DYNC1LI2: variants seen among roughly 807,000 people sequenced by gnomAD.
DYNC1LI2 encodes the protein dynein cytoplasmic 1 light intermediate chain 2.
A neutral mutation model predicts 57.8 loss-of-function variants in DYNC1LI2; 19 were observed. The ratio of observed to expected loss-of-function variants is 0.33; its 90% confidence interval spans 0.23 to 0.48. DYNC1LI2 has a LOEUF of 0.48. Among genes scored for constraint, DYNC1LI2 ranks in the 20% least tolerant of loss-of-function variants. DYNC1LI2 has a pLI of 0.99. For synonymous variants in DYNC1LI2, 256 were observed against 233.4 expected (o/e 1.10, Z -0.88); for missense variants, 470 against 604.2 (o/e 0.78, Z 2.33).
In DYNC1LI2 at chr16:66,723,643, A is replaced by C; in HGVS notation, c.*79T>G. ...CCCCAAAAAACTGATAGCATGTGCC[A>C]TATCAGAAAAATCCTGGTCTTAGCA... On this transcript the variant is annotated 3_prime_UTR_variant, in exon 13 of 13. Transcript: ENST00000258198. 7.7e-7 allele frequency: 1 copy of C among 1,298,308 alleles called. No homozygotes were observed. The highest frequency in any genetic ancestry group is 1.1e-6 in the Non-Finnish European group (1 of 935,418). 80.4% of individuals were successfully genotyped at this position (1,298,308 alleles called of 1,614,324 possible).
At chr16:66,733,738 C>T (rs765472297) in intron 6 of DYNC1LI2, among the ~76,000 whole-genome samples, 17 of 151,866 alleles carry the variant, frequency 1.1e-4, no homozygotes, top group Non-Finnish European at 1.5e-4. Context: ...GAAGTGGTGG[C>T]GCACACCTGT....
In DYNC1LI2 at chr16:66,721,117, T is replaced by C. The variant is rs937922560; in HGVS notation, c.*2605A>G. 6.6e-6 allele frequency: 1 copy of C among 152,584 alleles called. No individual in the cohort carries two copies. Among genetic ancestry groups the C allele is most frequent in the Admixed American group, 6.5e-5 (1 of 15,276 alleles). 9.5% of individuals were successfully genotyped at this position (152,584 alleles called of 1,614,324 possible). On this transcript the variant is annotated 3_prime_UTR_variant, in exon 13 of 13. Transcript: ENST00000258198. ...TGAACTTTCACTTACAGCATTAACA[T>C]TGTTAAGGTCATGATGTACAGAGCA...
intron 11 of DYNC1LI2, among the ~76,000 whole-genome samples, 154 bp downstream of exon 11, chr16:66,727,534 G>T (rs1216943528): frequency 6.6e-6 from 1 of 152,182 alleles, no homozygotes; most frequent in East Asian, 1.9e-4. Flanking sequence ...TCTTCCTCTG[G>T]AATGGGGGAA....
rs758909886 is a variant in DYNC1LI2, at chr16:66,725,980, AAACTGGAAGACTT to A, written c.1262-49_1262-37del. ...TTAAAGAGAAAAAAAAGCATCATAT[AAACTGGAAGACTT>A]AAAATTAAACACCCTAGTTCTCAGC... On this transcript the variant is annotated intron_variant, in intron 11 of 12. Transcript: ENST00000258198. The A allele has an allele frequency of 3.1e-6, 5 of 1,596,984 alleles. No individual in the cohort carries two copies. In the East Asian group the frequency reaches 1.1e-4, roughly 36 times the overall value.
intron 11 of DYNC1LI2, among the ~76,000 whole-genome samples, chr16:66,726,479 G>T (rs1448276754): frequency 2.0e-5 from 3 of 152,194 alleles, no homozygotes; most frequent in Non-Finnish European, 2.9e-5. Flanking sequence ...CAAAGTTACA[G>T]ATTCAAAATA....
At chr16:66,737,412 T>G (rs1436123821) in intron 4 of DYNC1LI2, among the ~76,000 whole-genome samples, 1 of 149,364 alleles carries the variant, frequency 6.7e-6, no homozygotes, top group African/African-American at 2.5e-5. Context: ...TAATCCCAGC[T>G]ACTTGGGAGG....
chr16:66,742,640 C>T lies in DYNC1LI2; in HGVS notation c.327G>A (p.Leu109=). The change falls in exon 4 of 13, where the codon CTG becomes CTA. Residue 109 remains leucine, a synonymous_variant. Transcript: ENST00000258198. ...GGCCTTTGTGGTACAAGTCTCCATC[C>T]AGAATCCACACGTTGCAGCGCGTGT... ...DDHTRCNVWI[L]DGDLYHKGLL... is the part of the protein sequence containing the mutation. 1 of 1,614,216 alleles carries T rather than the reference C, an allele frequency of 6.2e-7. No homozygotes were observed. The highest frequency in any genetic ancestry group is 8.5e-7 in the Non-Finnish European group (1 of 1,180,040).
chr16:66,749,392 G>C, intron 2 of DYNC1LI2, 79 bp from the exon 3 acceptor site: 1 of 1,342,304 alleles, frequency 7.4e-7, no homozygotes. Flanking sequence ...CACATGACAC[G>C]GAGAAACTAA....
At position 66,745,981 on chromosome 16, in the gene DYNC1LI2, A is replaced by C. The variant is rs191794216; in HGVS notation, c.298+3216T>G. Among the ~76,000 whole-genome samples, 1,048 of 152,192 alleles carry C rather than the reference A, an allele frequency of 6.9e-3. 4 individuals carry two copies. The highest frequency in any genetic ancestry group is 0.01 in the Non-Finnish European group (702 of 68,002). On this transcript the variant is annotated intron_variant, in intron 3 of 12. Transcript: ENST00000258198. The stretch of plus-strand genomic sequence containing the variant: ...TTTAGAAAAATATACTTAAAAAAAA[A>C]CCTATCTTTTATTAACTTTTTTGTA...
intron 2 of DYNC1LI2, 137 bp from the exon 3 acceptor site, chr16:66,749,450 C>A (rs1327303364): frequency 1.7e-5 from 14 of 847,690 alleles, no homozygotes; most frequent in African/African-American, 3.3e-5. Flanking sequence ...CTTTCATAAA[C>A]AAAGGACTTT....
At position 66,723,846 on chromosome 16, in the gene DYNC1LI2, A is replaced by G. The variant is rs758071528; in HGVS notation, c.1379-24T>C. The G allele has an allele frequency of 7.7e-6, 12 of 1,567,930 alleles. No homozygotes were observed. The South Asian group carries it at 8.2e-5, about 11-fold the overall frequency. ...TCCTGAAAAAAAAAAAAAGCAAAAAAGCAAAGTAATGATGTGAGAAGAGGA... is the reference window on the plus strand; with the variant it reads ...TCCTGAAAAAAAAAAAAAGCAAAAAGGCAAAGTAATGATGTGAGAAGAGGA... On this transcript the variant is annotated intron_variant, in intron 12 of 12. Transcript: ENST00000258198.
At chr16:66,746,687 T>C (rs1434746705) in intron 3 of DYNC1LI2, among the ~76,000 whole-genome samples, 1 of 152,348 alleles carries the variant, frequency 6.6e-6, no homozygotes, top group Non-Finnish European at 1.5e-5. Context: ...ACCTACATCA[T>C]GTTTTACACT....
intron 2 of DYNC1LI2, 82 bp from the exon 3 acceptor site, chr16:66,749,395 G>T: frequency 1.5e-6 from 2 of 1,315,758 alleles, no homozygotes; most frequent in Non-Finnish European, 2.2e-6. Flanking sequence ...ATGACACGGA[G>T]AAACTAAGAA....
At position 66,751,171 on chromosome 16, in the gene DYNC1LI2, TGCGGGCAG is replaced by T; in HGVS notation, c.181+94_181+101del. ...GCCGACGGTCCCTTTCCCGCCAGGC[TGCGGGCAG>T]GCGGCTGGAACGGGGAAGGCGGGGA... is the stretch of plus-strand genomic sequence containing the variant. On this transcript the variant is annotated intron_variant, in intron 2 of 12. Coordinates refer to ENST00000258198, the MANE Select transcript of DYNC1LI2 (RefSeq NM_006141.3). The surrounding 1 kb of genome is among the most constrained non-coding windows in gnomAD (Gnocchi z 5.2). 7.4e-7 allele frequency: 1 copy of T among 1,343,636 alleles called. No individual in the cohort carries two copies. Among genetic ancestry groups the T allele is most frequent in the Non-Finnish European group, 1.0e-6 (1 of 991,802 alleles). The allele number at this position is 1,343,636 out of a possible 1,614,324, so 83.2% of individuals were successfully genotyped here.
At chr16:66,738,347 T>G (rs55760924) in intron 4 of DYNC1LI2, 1 of 150,678 alleles carries the variant, frequency 6.6e-6, no homozygotes, top group South Asian at 2.1e-4. Flanking sequence ...CTGCCGGGTT[T>G]AAGTAATTCT....
At chr16:66,728,944 T>A (rs12599882) in intron 9 of DYNC1LI2, 96 bp downstream of exon 9, 12 of 1,284,904 alleles carry the variant, frequency 9.3e-6, no homozygotes, top group Non-Finnish European at 2.3e-6. Context: ...GCAAGCTCTT[T>A]GTGACTTCCC....
chr16:66,744,256 T>C lies in DYNC1LI2; in HGVS notation c.299-1588A>G, dbSNP rs927787516. ...TTGTAGAGATAGGGTCTCCTGATAT[T>C]GCCCAAGCTGGTCTCAAACTCCTAG... On this transcript the variant is annotated intron_variant, in intron 3 of 12. Coordinates refer to ENST00000258198, the MANE Select transcript of DYNC1LI2 (RefSeq NM_006141.3). 3.9e-5 allele frequency among the ~76,000 whole-genome samples: 6 copies of C among 152,148 alleles called. No homozygotes were observed. In the East Asian group the frequency reaches 1.2e-3, roughly 30 times the overall value.
At chr16:66,731,942 A>G (rs1250222927) in intron 7 of DYNC1LI2, 1 of 166,592 alleles carries the variant, frequency 6.0e-6, no homozygotes, top group African/African-American at 2.4e-5. Flanking sequence ...GCGAAAGCCC[A>G]TGCTGACAGA....
intron 3 of DYNC1LI2, among the ~76,000 whole-genome samples, chr16:66,748,017 T>G (rs916259467): frequency 6.6e-6 from 1 of 152,122 alleles, no homozygotes; most frequent in Non-Finnish European, 1.5e-5. Context: ...CTGGGTGCAG[T>G]GGTTCATGCC....
Sources: allele counts gnomAD v4.1 joint callset (sites outside exome capture counted in the v4.1 genomes callset), GRCh38; gene constraint gnomAD v4.1.1; non-coding constraint Gnocchi (gnomAD v3.1); transcripts MANE v1.5; gene names NCBI Gene and HGNC (gene_info 2026-07-23, HGNC 2026-07-21).